PSMG4: variants seen among roughly 807,000 people sequenced by gnomAD.
PSMG4 encodes proteasome (prosome, macropain) assembly chaperone 4.
PSMG4 carries 10 observed loss-of-function variants against 11.0 expected under a neutral mutation model. That is an observed-to-expected ratio of 0.91 (90% CI 0.56 to 1.54). The LOEUF is 1.54. Among genes scored for constraint, PSMG4 ranks in the 40% most tolerant of loss-of-function variants. PSMG4 has a pLI of 0.00. For missense variants in PSMG4, 198 were observed against 160.9 expected (o/e 1.23, Z -1.25); for synonymous variants, 95 against 71.3 (o/e 1.33, Z -1.68).
intron 2 of PSMG4, chr6:3,267,186 TTA>T (rs1163623467): frequency 4.2e-5 from 6 of 144,294 alleles, no homozygotes; most frequent in Non-Finnish European, 5.9e-5. Flanking sequence ...TTTTTTTTTT[TTA>T]AATCAAAACA....
chr6:3,254,415 T>A (rs1485103182), upstream of PSMG4, among the ~76,000 whole-genome samples: 1 of 151,764 alleles, frequency 6.6e-6, no homozygotes, highest in Non-Finnish European at 1.5e-5. Context: ...GTGGCACATC[T>A]GAGGAGGTAT....
rs1264357024 is a variant in PSMG4, at chr6:3,260,289, A to ATTT, written c.174+1094_174+1095insTTT. Among the ~76,000 whole-genome samples, 46 of 31,066 alleles carry ATTT rather than the reference A, an allele frequency of 1.5e-3. 3 individuals are homozygous for ATTT. Among genetic ancestry groups the ATTT allele is most frequent in the African/African-American group, 5.2e-3 (45 of 8,578 alleles). 20.4% of individuals were successfully genotyped at this position (31,066 alleles called of 152,430 possible). ...CTTGTCTTAAATTGTATATATATAT[A>ATTT]TATTTTTTTTTTTTTTTTTTGAAGC... is the stretch of plus-strand genomic sequence containing the variant. On this transcript the variant is annotated intron_variant, in intron 1 of 2. Transcript: ENST00000438998.
At chr6:3,257,135 C>T (rs986773117), upstream of PSMG4, among the ~76,000 whole-genome samples, 2 of 152,158 alleles carry the variant, frequency 1.3e-5, no homozygotes, top group Admixed American at 6.5e-5. Flanking sequence ...GGCTTTGTCA[C>T]CTCTATTTTC....
Position 3,267,875 on chromosome 6 carries a change from AC to A in PSMG4, c.*166del. On this transcript the variant is annotated 3_prime_UTR_variant, in exon 3 of 3. Transcript: ENST00000438998. ...TGTGTGGGCCAAAAGGCTCATACTG[AC>A]CCACCTGGTGAAGGAGAGGCAAAGT... 1 of 651,768 alleles carries A rather than the reference AC, an allele frequency of 1.5e-6. No individual in the cohort carries two copies. Among genetic ancestry groups the A allele is most frequent in the Non-Finnish European group, 2.5e-6 (1 of 396,986 alleles). The allele number at this position is 651,768 out of a possible 1,614,324, so 40.4% of individuals were successfully genotyped here. A position where few individuals can be genotyped will look rare whatever the true frequency, so the allele number is the denominator to read the frequency against.
intron 2 of PSMG4, chr6:3,266,770 T>G (rs1230764723): frequency 6.6e-6 from 1 of 152,094 alleles, no homozygotes; most frequent in Admixed American, 6.5e-5. Flanking sequence ...TACACATATA[T>G]GCAAATGCAT....
At chr6:3,255,119 C>G, upstream of PSMG4, 1 of 1,551,070 alleles carries the variant, frequency 6.4e-7, no homozygotes, top group South Asian at 1.2e-5. Context: ...ACATCACCAG[C>G]TTACCACGTA....
At position 3,259,047 on chromosome 6, in the gene PSMG4, G is replaced by C. The variant is rs1205064975; in HGVS notation, c.25G>C (p.Gly9Arg). 3 of 1,253,332 alleles carry C rather than the reference G, an allele frequency of 2.4e-6. No individual in the cohort carries two copies. The highest frequency in any genetic ancestry group is 8.4e-5 in the Admixed American group (2 of 23,766). 77.6% of individuals were successfully genotyped at this position (1,253,332 alleles called of 1,614,324 possible). A position where few individuals can be genotyped will look rare whatever the true frequency, so the allele number is the denominator to read the frequency against. The change falls in exon 1 of 3, where the codon GGC becomes CGC. Residue 9 changes from glycine (G) to arginine (R), a missense_variant. Coordinates refer to ENST00000438998, the MANE Select transcript of PSMG4 (RefSeq NM_001128591.2). MEGLVVAA[G>R]GDVSLHNFSA... ...CATGGAGGGGCTGGTTGTCGCCGCC[G>C]GCGGGGACGTCTCCCTGCACAACTT...
chr6:3,265,338 G>A (rs1403067344), intron 2 of PSMG4: 1 of 152,282 alleles, frequency 6.6e-6, no homozygotes, highest in African/African-American at 2.4e-5. Context: ...TTATATGAGA[G>A]ATGAAAGCAG....
chr6:3,257,305 G>C (rs575682952), upstream of PSMG4, among the ~76,000 whole-genome samples: 1 of 152,202 alleles, frequency 6.6e-6, no homozygotes, highest in Non-Finnish European at 1.5e-5. Flanking sequence ...GTGACCCTCT[G>C]CCTGTGTGTT....
In PSMG4 at chr6:3,263,725, C is replaced by T. The variant is rs370349259; in HGVS notation, c.216C>T (p.Ser72=). ...CTACCTCCCTCCTTGGAGACACTTC[C>T]GACACGACCTCTACTGGCCTTGCCC... is the stretch of plus-strand genomic sequence containing the variant. ...PVSTSLLGDT[S]DTTSTGLAQR... The change falls in exon 2 of 3, where the codon TCC becomes TCT. Residue 72 remains serine (S), a synonymous_variant. Transcript: ENST00000438998. The T allele has an allele frequency of 1.2e-5, 19 of 1,550,986 alleles. No individual in the cohort carries two copies. Among genetic ancestry groups the T allele is most frequent in the East Asian group, 4.9e-5 (2 of 40,880 alleles).
chr6:3,259,310 C>T (rs546149027), intron 1 of PSMG4, 114 bp downstream of exon 1: 2 of 983,442 alleles, frequency 2.0e-6, no homozygotes, highest in South Asian at 4.9e-5. Flanking sequence ...GCCCTACTCC[C>T]CCGAAGCCCA....
At chr6:3,254,511 G>A (rs183318344), upstream of PSMG4, among the ~76,000 whole-genome samples, 14 of 151,944 alleles carry the variant, frequency 9.2e-5, no homozygotes, top group African/African-American at 2.7e-4. Flanking sequence ...GTATGTGTTG[G>A]GTTTATGAGC....
upstream of PSMG4, among the ~76,000 whole-genome samples, chr6:3,254,516 A>G (rs534055289): frequency 9.3e-5 from 14 of 149,976 alleles, no homozygotes; most frequent in Non-Finnish European, 1.8e-4. Context: ...TGTTGGGTTT[A>G]TGAGCTGTAA....
chr6:3,260,753 C>T (rs1414028277), intron 1 of PSMG4, among the ~76,000 whole-genome samples: 15 of 152,168 alleles, frequency 9.9e-5, no homozygotes, highest in Admixed American at 9.8e-4. Flanking sequence ...CAATTCAGGC[C>T]ACAACACTGC....
At chr6:3,266,205 C>T in intron 2 of PSMG4, 1 of 152,010 alleles carries the variant, frequency 6.6e-6, no homozygotes, top group East Asian at 1.9e-4. Context: ...ACGGTGGGGC[C>T]TGGGCCTGCG....
At chr6:3,257,771 C>T (rs372578673), upstream of PSMG4, among the ~76,000 whole-genome samples, 20 of 152,128 alleles carry the variant, frequency 1.3e-4, no homozygotes, top group African/African-American at 4.8e-4. Context: ...GTACTGGACG[C>T]GTTCACTTTG....
At chr6:3,255,956 C>T (rs1357798545), upstream of PSMG4, among the ~76,000 whole-genome samples, 1 of 152,182 alleles carries the variant, frequency 6.6e-6, no homozygotes, top group Non-Finnish European at 1.5e-5. Context: ...ATTATCACAC[C>T]ACTCTAGCAA....
chr6:3,256,180 G>A (rs768591444), upstream of PSMG4, among the ~76,000 whole-genome samples: 8 of 152,152 alleles, frequency 5.3e-5, no homozygotes, highest in Non-Finnish European at 8.8e-5. Context: ...CTGGGGGAAG[G>A]GCAATAATTC....
upstream of PSMG4, among the ~76,000 whole-genome samples, chr6:3,255,707 A>G (rs1757739800): frequency 6.6e-6 from 1 of 152,272 alleles, no homozygotes; most frequent in African/African-American, 2.4e-5. Context: ...AAAAGCAGGA[A>G]CTGAAGAAGG....
Sources: gnomAD v4.1 joint callset for allele counts (sites outside exome capture counted in the v4.1 genomes callset) on GRCh38, gnomAD v4.1.1 for gene constraint, MANE v1.5 for transcripts, NCBI Gene and HGNC (gene_info 2026-07-23, HGNC 2026-07-21) for gene names.